Variants in TANC2 observed in about 807,000 individuals in gnomAD.
TANC2 encodes protein TANC2.
In TANC2, 26 loss-of-function variants were observed where a neutral mutation model predicts 210.5. The observed-to-expected ratio is 0.12, with a 90% CI of 0.09 to 0.17. TANC2 has a LOEUF of 0.17. Among genes scored for constraint, TANC2 ranks in the 10% least tolerant of loss-of-function variants. TANC2 has a pLI of 1.00. For missense variants in TANC2, 2,129 were observed against 2,608.9 expected (o/e 0.82, Z 4.01); for synonymous variants, 931 against 967.1 (o/e 0.96, Z 0.69).
intron 3 of TANC2, among the ~76,000 whole-genome samples, chr17:63,091,055 G>GT (rs1271009264): frequency 6.7e-6 from 1 of 148,162 alleles, no homozygotes; most frequent in African/African-American, 2.5e-5. Context: ...TGATGGGGTT[G>GT]TTTGTTTTTT....
intron 12 of TANC2, among the ~76,000 whole-genome samples, chr17:63,341,195 C>T (rs1175355600): frequency 6.6e-6 from 1 of 152,222 alleles, no homozygotes; most frequent in African/African-American, 2.4e-5. Context: ...TGGCCATCAT[C>T]TTCAGTTATT....
intron 3 of TANC2, among the ~76,000 whole-genome samples, chr17:63,080,547 C>A (rs2036734818): frequency 6.6e-6 from 1 of 152,134 alleles, no homozygotes; most frequent in Non-Finnish European, 1.5e-5. Flanking sequence ...TTGTAGCCAA[C>A]TTTATTTGAT....
chr17:63,091,204 C>T (rs990876626), intron 3 of TANC2, among the ~76,000 whole-genome samples: 2 of 152,170 alleles, frequency 1.3e-5, no homozygotes, highest in African/African-American at 4.8e-5. Flanking sequence ...TGCAGAAGCT[C>T]CTTAGTTTAA....
chr17:63,301,053 T>C (rs1455856273), intron 9 of TANC2, among the ~76,000 whole-genome samples: 1 of 152,202 alleles, frequency 6.6e-6, no homozygotes, highest in Non-Finnish European at 1.5e-5. Flanking sequence ...TTTTTGTCAT[T>C]GGTTCTGTTT....
At position 62,970,988 on chromosome 17, in the gene TANC2, T is replaced by C. The variant is rs1255388055; in HGVS notation, c.-24+4239T>C. Among the ~76,000 whole-genome samples, 6 of 152,198 alleles carry C rather than the reference T, an allele frequency of 3.9e-5. No individual in the cohort carries two copies. In the East Asian group the frequency reaches 1.2e-3, roughly 29 times the overall value. On this transcript the variant is annotated intron_variant, in intron 1 of 27. Coordinates refer to ENST00000689528, the Ensembl canonical transcript of TANC2. Reference sequence around the variant, plus strand: ...TGAATGACTTGAGACTCAGCATTGTTATATTTGCTTAATGTGCCTGTAGTC... The same window carrying C: ...TGAATGACTTGAGACTCAGCATTGTCATATTTGCTTAATGTGCCTGTAGTC...
Position 63,340,338 on chromosome 17 carries a change from G to C in TANC2, c.1807+6G>C. The stretch of plus-strand genomic sequence containing the variant: ...ACTAGAAAATCTCCATAAAGGTACA[G>C]ATAAGGCCCAAAGGAGGGGAAAGAT... On this transcript the variant is annotated splice_donor_region_variant and intron_variant, in intron 12 of 27. Coordinates refer to ENST00000689528, the Ensembl canonical transcript of TANC2. 6.2e-7 allele frequency: 1 copy of C among 1,612,348 alleles called. No individual in the cohort carries two copies.
intron 15 of TANC2, among the ~76,000 whole-genome samples, chr17:63,380,287 C>T: frequency 6.6e-6 from 1 of 152,220 alleles, no homozygotes; most frequent in East Asian, 1.9e-4. Context: ...CCCCAAATCT[C>T]TCTTCAAATT....
intron 5 of TANC2, among the ~76,000 whole-genome samples, chr17:63,192,405 C>T (rs990287920): frequency 6.6e-6 from 1 of 152,210 alleles, no homozygotes; most frequent in African/African-American, 2.4e-5. Flanking sequence ...TTATCTGTCT[C>T]TTAAGAACCT....
intron 2 of TANC2, among the ~76,000 whole-genome samples, chr17:63,061,290 C>G (rs1436241841): frequency 1.3e-5 from 2 of 151,418 alleles, no homozygotes; most frequent in African/African-American, 2.4e-5. Context: ...TTGCTTGAAT[C>G]CAGGAGGTGG....
intron 4 of TANC2, among the ~76,000 whole-genome samples, chr17:63,140,071 T>A (rs1180731340): frequency 6.6e-6 from 1 of 152,206 alleles, no homozygotes; most frequent in African/African-American, 2.4e-5. Context: ...TTAAAGAAAC[T>A]TTATACTACT....
intron 3 of TANC2, among the ~76,000 whole-genome samples, chr17:63,087,281 C>G (rs896551390): frequency 6.6e-6 from 1 of 152,186 alleles, no homozygotes; most frequent in African/African-American, 2.4e-5. Flanking sequence ...GTGGAAGGAA[C>G]TGTGGTGAAT....
chr17:63,037,926 A>AT (rs1341212185), intron 2 of TANC2, among the ~76,000 whole-genome samples: 3 of 152,108 alleles, frequency 2.0e-5, no homozygotes, highest in African/African-American at 7.2e-5. Flanking sequence ...TTTTTAGTAG[A>AT]TTCCTTTGAA....
Position 63,354,877 on chromosome 17 carries a change from A to G in TANC2, c.2069A>G (p.His690Arg). The G allele has an allele frequency of 6.2e-7, 1 of 1,613,838 alleles. No homozygotes were observed. Among genetic ancestry groups the G allele is most frequent in the Non-Finnish European group, 8.5e-7 (1 of 1,179,778 alleles). ...CAGGACCTGCAGGCTTACATCCTGC[A>G]CCGGATACACAGCAGCTCAGAGATC... is the stretch of plus-strand genomic sequence containing the variant. The change falls in exon 14 of 28, where the codon CAC becomes CGC. Residue 690 changes from histidine to arginine, a missense_variant. Coordinates refer to ENST00000689528, the Ensembl canonical transcript of TANC2.
intron 5 of TANC2, among the ~76,000 whole-genome samples, chr17:63,157,594 C>T (rs535403179): frequency 1.8e-4 from 28 of 152,062 alleles, no homozygotes; most frequent in African/African-American, 6.5e-4. Flanking sequence ...AATTACTTAA[C>T]CATGATTTGT....
At chr17:63,102,553 T>C (rs1331491636) in intron 4 of TANC2, among the ~76,000 whole-genome samples, 3 of 152,046 alleles carry the variant, frequency 2.0e-5, no homozygotes, top group African/African-American at 7.2e-5. Flanking sequence ...ACATGCGCCA[T>C]GTTGGTGTGC....
chr17:63,422,736 C>G (rs771137257), exon 28 of TANC2: 1 of 151,794 alleles, frequency 6.6e-6, no homozygotes, highest in South Asian at 2.1e-4. Context: ...GATTTTTAGC[C>G]GACAATTAAC....
intron 9 of TANC2, among the ~76,000 whole-genome samples, chr17:63,283,831 T>G (rs1414997770): frequency 1.3e-5 from 2 of 152,052 alleles, no homozygotes; most frequent in Non-Finnish European, 2.9e-5. Context: ...ATGTTGCTCT[T>G]GTATCCTAAA....
rs578127322 is a variant in TANC2 at position 62,976,234 on chromosome 17, T to G, written c.-24+9485T>G. Among the ~76,000 whole-genome samples the G allele has an allele frequency of 1.2e-4, 19 of 152,304 alleles. No homozygotes were observed. In the South Asian group the frequency reaches 3.9e-3, roughly 32 times the overall value. On this transcript the variant is annotated intron_variant, in intron 1 of 27. Coordinates refer to ENST00000689528, the Ensembl canonical transcript of TANC2. ...CTTTCTATAAAATCTCAAATCATAG[T>G]GTTTCTTGAGATGCGCCCCTTGACA...
At chr17:63,100,590 A>G (rs189163215) in intron 4 of TANC2, among the ~76,000 whole-genome samples, 223 of 152,224 alleles carry the variant, frequency 1.5e-3, no homozygotes, top group African/African-American at 5.2e-3. Context: ...TTTACAGTCA[A>G]AGGTATTATT....
Sources: allele counts gnomAD v4.1 joint callset (sites outside exome capture counted in the v4.1 genomes callset), GRCh38; gene constraint gnomAD v4.1.1; transcripts MANE v1.5; gene names NCBI Gene and HGNC (gene_info 2026-07-23, HGNC 2026-07-21).